The following KCNMA1 variants were observed in gnomAD, a reference collection of about 807,000 sequenced individuals.
KCNMA1 encodes potassium calcium-activated channel subfamily M alpha 1, also known as Calcium-activated potassium channel subunit alpha-1.
KCNMA1 carries 29 observed loss-of-function variants against 140.0 expected under a neutral mutation model. The observed-to-expected ratio is 0.21, with a 90% CI of 0.15 to 0.28. The LOEUF (loss-of-function observed/expected upper bound fraction) is 0.28. Ranked by LOEUF, KCNMA1 falls within the 10% of genes least tolerant of loss-of-function variation. The probability of loss-of-function intolerance (pLI) is 1.00; values close to 1 mark genes in which losing one functional copy is unlikely to be tolerated. For synonymous variants in KCNMA1, 612 were observed against 611.9 expected, an observed-to-expected ratio of 1.00 and a Z score of 0.00; for missense variants, 880 against 1,602.2, an observed-to-expected ratio of 0.55 and a Z score of 7.70.
intron 1 of KCNMA1, among the ~76,000 whole-genome samples, chr10:77,626,012 G>A (rs1488534092): frequency 1.6e-5 from 2 of 128,812 alleles, no homozygotes; most frequent in African/African-American, 3.3e-5. Context: ...CACCAACACT[G>A]GTGATTTTCT....
intron 6 of KCNMA1, among the ~76,000 whole-genome samples, chr10:77,119,413 G>C (rs1278125051): frequency 6.6e-6 from 1 of 152,158 alleles, no homozygotes. Context: ...CCCAATGTTA[G>C]AGAGTGTCAC....
intron 17 of KCNMA1, among the ~76,000 whole-genome samples, chr10:77,016,351 A>G (rs924596489): frequency 6.6e-6 from 1 of 152,184 alleles, no homozygotes; most frequent in Non-Finnish European, 1.5e-5. Context: ...TCCTGCCTAG[A>G]ATATGAGCCC....
intron 2 of KCNMA1, among the ~76,000 whole-genome samples, chr10:77,283,303 A>C (rs561306594): frequency 6.6e-6 from 1 of 152,304 alleles, no homozygotes; most frequent in African/African-American, 2.4e-5. Flanking sequence ...AACTGTCTAG[A>C]TAGAAGTTAA....
chr10:77,019,478 C>T (rs2092577672), intron 16 of KCNMA1: 1 of 242,048 alleles, frequency 4.1e-6, no homozygotes, highest in African/African-American at 2.3e-5. Flanking sequence ...CATTATTGGC[C>T]TGATGAAGCT....
chr10:76,954,025 G>A (rs2067230397), intron 20 of KCNMA1, 101 bp from the exon 21 acceptor site: 1 of 1,332,630 alleles, frequency 7.5e-7, no homozygotes, highest in African/African-American at 1.5e-5. Flanking sequence ...AAGATGCAGA[G>A]GAAGTGGTTG....
intron 1 of KCNMA1, among the ~76,000 whole-genome samples, chr10:77,439,082 AAAGAAAAGAG>A (rs1289704839): frequency 4.1e-5 from 5 of 123,058 alleles, no homozygotes; most frequent in South Asian, 2.6e-4. Context: ...AAAAGAAAGA[AAAGAAAAGAG>A]AAGAGAAGAG....
chr10:77,044,037 A>G (rs149876775), intron 14 of KCNMA1, among the ~76,000 whole-genome samples: 185 of 152,336 alleles, frequency 1.2e-3, no homozygotes, highest in African/African-American at 4.0e-3. Context: ...ACCCTTATGT[A>G]TAACATAAGA....
downstream of KCNMA1, chr10:76,876,576 C>T (rs980293678): frequency 2.0e-5 from 3 of 152,436 alleles, no homozygotes; most frequent in African/African-American, 7.2e-5. Context: ...GAAGTGCATT[C>T]GTTGCTTTCC....
At chr10:77,003,174 C>T (rs1489198474) in intron 18 of KCNMA1, among the ~76,000 whole-genome samples, 1 of 152,160 alleles carries the variant, frequency 6.6e-6, no homozygotes, top group Non-Finnish European at 1.5e-5. Flanking sequence ...GCAGCAACTC[C>T]ATTCTTGTAA....
chr10:77,459,487 T>C (rs1298339961), intron 1 of KCNMA1, among the ~76,000 whole-genome samples: 2 of 152,200 alleles, frequency 1.3e-5, no homozygotes, highest in African/African-American at 4.8e-5. Context: ...GAGAAACCCT[T>C]GTGAGCAGTG....
intron 1 of KCNMA1, among the ~76,000 whole-genome samples, chr10:77,547,781 G>C (rs1050629378): frequency 1.3e-5 from 2 of 152,222 alleles, no homozygotes; most frequent in African/African-American, 4.8e-5. Flanking sequence ...AAGATGGGCT[G>C]ACCCAAAGAT....
intron 1 of KCNMA1, among the ~76,000 whole-genome samples, chr10:77,532,427 C>T (rs948821697): frequency 2.0e-5 from 3 of 152,172 alleles, no homozygotes; most frequent in Non-Finnish European, 2.9e-5. Context: ...GACTGACCAG[C>T]GAATGAAAAC....
intron 20 of KCNMA1, among the ~76,000 whole-genome samples, chr10:76,966,282 T>C (rs2073892028): frequency 6.6e-6 from 1 of 152,202 alleles, no homozygotes. Flanking sequence ...CCCAGGTGTT[T>C]ACTCCATACC....
intron 1 of KCNMA1, among the ~76,000 whole-genome samples, chr10:77,597,894 A>T (rs1053875920): frequency 3.9e-5 from 6 of 152,118 alleles, no homozygotes; most frequent in African/African-American, 1.4e-4. Context: ...ACAGGGAGGA[A>T]CTTTATCCTG....
chr10:77,455,774 G>A (rs1318780625), intron 1 of KCNMA1, among the ~76,000 whole-genome samples: 2 of 152,146 alleles, frequency 1.3e-5, no homozygotes, highest in Admixed American at 1.3e-4. Context: ...GAGCCAGAAG[G>A]CAATTCCCTC....
chr10:77,335,783 C>T (rs1049186724), intron 2 of KCNMA1, among the ~76,000 whole-genome samples: 3 of 152,164 alleles, frequency 2.0e-5, no homozygotes, highest in Admixed American at 1.3e-4. Flanking sequence ...AAAACCAAGG[C>T]TCTAGGAGGT....
intron 18 of KCNMA1, among the ~76,000 whole-genome samples, chr10:77,002,445 A>T (rs1209767413): frequency 6.6e-6 from 1 of 152,238 alleles, no homozygotes; most frequent in African/African-American, 2.4e-5. Flanking sequence ...TCAGGAAGCA[A>T]TCAGGCTATT....
intron 2 of KCNMA1, among the ~76,000 whole-genome samples, chr10:77,284,323 G>A (rs1471003767): frequency 1.3e-5 from 2 of 152,192 alleles, no homozygotes; most frequent in East Asian, 3.9e-4. Context: ...CCCTGGGAGA[G>A]TAGAGTAAAA....
At chr10:76,980,493 A>G (rs2079099415) in intron 19 of KCNMA1, 1 of 152,264 alleles carries the variant, frequency 6.6e-6, no homozygotes, top group African/African-American at 2.4e-5. Context: ...CCTGAGGACC[A>G]ACTACTGTCC....
Sources: gnomAD v4.1 joint callset for allele counts (sites outside exome capture counted in the v4.1 genomes callset) on GRCh38, gnomAD v4.1.1 for gene constraint, MANE v1.5 for transcripts, NCBI Gene and HGNC (gene_info 2026-07-23, HGNC 2026-07-21) for gene names.